The following ACOXL variants were observed in gnomAD, a reference collection of about 807,000 sequenced individuals.
ACOXL encodes acyl-CoA oxidase like.
ACOXL carries 70 observed loss-of-function variants against 71.9 expected under a neutral mutation model. That is an observed-to-expected ratio of 0.97 (90% CI 0.80 to 1.19). ACOXL has a LOEUF of 1.19. Among genes scored for constraint, ACOXL ranks in the 50% most tolerant of loss-of-function variants. The pLI is 0.00. For missense variants in ACOXL, 703 were observed against 736.3 expected (o/e 0.95, Z 0.52); for synonymous variants, 253 against 281.6 (o/e 0.90, Z 1.02).
At chr2:110,775,314 A>AT (rs1682502884) in intron 2 of ACOXL, among the ~76,000 whole-genome samples, 2 of 152,212 alleles carry the variant, frequency 1.3e-5, no homozygotes, top group African/African-American at 4.8e-5. Flanking sequence ...ACGTAGATAC[A>AT]TTTTTGGAAT....
At chr2:110,915,800 A>G (rs1166387105) in intron 11 of ACOXL, among the ~76,000 whole-genome samples, 1 of 152,080 alleles carries the variant, frequency 6.6e-6, no homozygotes, top group Non-Finnish European at 1.5e-5. Context: ...GTCTATGTTC[A>G]TATGGAATAT....
chr2:110,834,766 C>T (rs1294765733), intron 9 of ACOXL, among the ~76,000 whole-genome samples: 1 of 152,212 alleles, frequency 6.6e-6, no homozygotes, highest in Non-Finnish European at 1.5e-5. Flanking sequence ...CCACCAAAGT[C>T]CCCAGCTTAT....
chr2:110,990,036 G>C (rs13035477), intron 13 of ACOXL, among the ~76,000 whole-genome samples: 3 of 151,942 alleles, frequency 2.0e-5, no homozygotes, highest in Non-Finnish European at 4.4e-5. Flanking sequence ...GTGAAACTTC[G>C]TCTCAAAAAA....
At chr2:111,005,571 G>T (rs769448465) in intron 14 of ACOXL, among the ~76,000 whole-genome samples, 2 of 152,118 alleles carry the variant, frequency 1.3e-5, no homozygotes, top group African/African-American at 4.8e-5. Flanking sequence ...ATAATAAACC[G>T]CAGTACTTTT....
intron 16 of ACOXL, among the ~76,000 whole-genome samples, chr2:111,073,343 A>G (rs1223796042): frequency 6.6e-6 from 1 of 152,174 alleles, no homozygotes; most frequent in Non-Finnish European, 1.5e-5. Flanking sequence ...ACCTCAAGTC[A>G]TGAAGGTTTT....
Position 110,868,686 on chromosome 2 carries a change from T to A in ACOXL, c.788+27281T>A, listed in dbSNP as rs139914752. Among the ~76,000 whole-genome samples, 151 of 152,080 alleles carry A rather than the reference T, an allele frequency of 9.9e-4. 4 individuals are homozygous for A. The East Asian group carries it at 0.027, about 27-fold the overall frequency. On this transcript the variant is annotated intron_variant, in intron 10 of 17. Coordinates refer to ENST00000439055, the MANE Select transcript of ACOXL (RefSeq NM_001142807.4). ...TCACTGCAGCCTCAACTTCCCAGGC[T>A]CAGGTGATTCTTTCACCTCAGCCTC...
At chr2:110,804,311 C>T (rs538277219) in intron 8 of ACOXL, among the ~76,000 whole-genome samples, 24 of 152,146 alleles carry the variant, frequency 1.6e-4, no homozygotes, top group African/African-American at 3.9e-4. Flanking sequence ...AAGGGGCAGA[C>T]GATAACAAGT....
intron 1 of ACOXL, among the ~76,000 whole-genome samples, chr2:110,763,463 G>A (rs1363814558): frequency 6.6e-6 from 1 of 152,198 alleles, no homozygotes; most frequent in Non-Finnish European, 1.5e-5. Context: ...CAATGATGCT[G>A]TGACAACTGG....
chr2:110,978,995 G>A (rs879366922), intron 12 of ACOXL, among the ~76,000 whole-genome samples: 1 of 152,134 alleles, frequency 6.6e-6, no homozygotes, highest in Non-Finnish European at 1.5e-5. Context: ...ACACACACAT[G>A]CACATGAGGA....
At chr2:110,825,450 C>A (rs1266429511) in intron 9 of ACOXL, among the ~76,000 whole-genome samples, 1 of 151,966 alleles carries the variant, frequency 6.6e-6, no homozygotes, top group African/African-American at 2.4e-5. Flanking sequence ...TCTTATTTTG[C>A]CCTGACTTTA....
At chr2:111,001,392 C>CAAAACAAAACAAAAA (rs2063620441) in intron 14 of ACOXL, among the ~76,000 whole-genome samples, 2 of 62,924 alleles carry the variant, frequency 3.2e-5, no homozygotes. Context: ...TGGAGAAAAA[C>CAAAACAAAACAAAAA]AAAACAAAAC....
intron 10 of ACOXL, among the ~76,000 whole-genome samples, chr2:110,846,556 C>T (rs1691858037): frequency 6.6e-6 from 1 of 151,744 alleles, no homozygotes; most frequent in African/African-American, 2.4e-5. Flanking sequence ...AGTGGTGCTT[C>T]AGCTGTTAGC....
At chr2:110,804,026 G>A (rs889813438) in intron 8 of ACOXL, among the ~76,000 whole-genome samples, 14 of 142,230 alleles carry the variant, frequency 9.8e-5, no homozygotes, top group African/African-American at 2.4e-4. Flanking sequence ...TTGCTGTGTC[G>A]CCCAGGCTGA....
chr2:111,056,071 A>C (rs1188240542), intron 16 of ACOXL, among the ~76,000 whole-genome samples: 1 of 152,074 alleles, frequency 6.6e-6, no homozygotes, highest in Non-Finnish European at 1.5e-5. Flanking sequence ...TAATGTTTTT[A>C]TATTTAATAA....
At chr2:110,828,300 A>G (rs1689405639) in intron 9 of ACOXL, among the ~76,000 whole-genome samples, 2 of 152,156 alleles carry the variant, frequency 1.3e-5, no homozygotes, top group Non-Finnish European at 2.9e-5. Context: ...AGATATTTAC[A>G]TTATTTCAAT....
chr2:111,032,417 T>C (rs1320345066), intron 15 of ACOXL, among the ~76,000 whole-genome samples: 3 of 152,218 alleles, frequency 2.0e-5, no homozygotes, highest in Non-Finnish European at 2.9e-5. Context: ...GTATTCATTT[T>C]GGCTTCAGTC....
At chr2:110,915,765 T>A (rs2059837899) in intron 11 of ACOXL, among the ~76,000 whole-genome samples, 1 of 152,090 alleles carries the variant, frequency 6.6e-6, no homozygotes, top group Non-Finnish European at 1.5e-5. Context: ...GTTAATTGGC[T>A]AATGTTTTGA....
At chr2:110,861,042 G>A (rs1165491111) in intron 10 of ACOXL, among the ~76,000 whole-genome samples, 2 of 152,182 alleles carry the variant, frequency 1.3e-5, no homozygotes, top group African/African-American at 4.8e-5. Flanking sequence ...GCTGAGGCAC[G>A]AGAGTCACCT....
At position 111,031,769 on chromosome 2, in the gene ACOXL, C is replaced by A. The variant is rs547435711; in HGVS notation, c.1369+55C>A. The A allele has an allele frequency of 5.8e-6, 9 of 1,543,318 alleles. No homozygotes were observed. In the East Asian group the frequency reaches 2.0e-4, roughly 35 times the overall value. On this transcript the variant is annotated intron_variant, in intron 15 of 17. Transcript: ENST00000439055. ...TTGAGTGACTCAGGGGTCTACGGGT[C>A]CCTGGAGACACAGCTCTGCAGGGAA...
Sources: allele counts gnomAD v4.1 joint callset (sites outside exome capture counted in the v4.1 genomes callset), GRCh38; gene constraint gnomAD v4.1.1; transcripts MANE v1.5; gene names NCBI Gene and HGNC (gene_info 2026-07-23, HGNC 2026-07-21).